The following KDM4C variants were observed in gnomAD, a reference collection of about 807,000 sequenced individuals.
The protein encoded by KDM4C is lysine demethylase 4C, also known as lysine-specific demethylase 4C.
In KDM4C, 81 loss-of-function variants were observed where a neutral mutation model predicts 129.3. That is an observed-to-expected ratio of 0.63 (90% CI 0.52 to 0.75). The LOEUF (loss-of-function observed/expected upper bound fraction) is 0.75. KDM4C is among the 30% of genes least tolerant of loss of function. The pLI is 0.00. For missense variants in KDM4C, 1,457 were observed against 1,304.0 expected (o/e 1.12, Z -1.81); for synonymous variants, 573 against 456.1 (o/e 1.26, Z -3.26).
At chr9:7,033,654 C>A (rs570780916) in intron 15 of KDM4C, among the ~76,000 whole-genome samples, 6 of 152,160 alleles carry the variant, frequency 3.9e-5, no homozygotes, top group Non-Finnish European at 7.3e-5. Flanking sequence ...CTCAATAACA[C>A]CCCCCACCTC....
chr9:6,764,977 A>G (rs894858945), intron 1 of KDM4C, among the ~76,000 whole-genome samples: 4 of 152,108 alleles, frequency 2.6e-5, no homozygotes, highest in African/African-American at 9.7e-5. Context: ...CAGCCCTCAC[A>G]TCCAAAGTAT....
chr9:6,943,435 G>A (rs942490306), intron 8 of KDM4C, among the ~76,000 whole-genome samples: 9 of 152,330 alleles, frequency 5.9e-5, no homozygotes, highest in African/African-American at 1.9e-4. Flanking sequence ...AGGGCCAGGT[G>A]TAGTGGCTCT....
chr9:6,915,657 TTTTC>T (rs1271390979), intron 8 of KDM4C, among the ~76,000 whole-genome samples: 1 of 152,208 alleles, frequency 6.6e-6, no homozygotes, highest in Admixed American at 6.5e-5. Flanking sequence ...CTGCTTTTGT[TTTTC>T]TTTCCTCGAA....
At chr9:6,804,613 C>G (rs1829628421) in intron 2 of KDM4C, among the ~76,000 whole-genome samples, 1 of 151,838 alleles carries the variant, frequency 6.6e-6, no homozygotes, top group Non-Finnish European at 1.5e-5. Context: ...CAAAAATTAG[C>G]TGGGCGTGGT....
intron 15 of KDM4C, among the ~76,000 whole-genome samples, chr9:7,019,428 C>G (rs1025060939): frequency 3.4e-5 from 5 of 145,062 alleles, no homozygotes; most frequent in Non-Finnish European, 7.5e-5. Flanking sequence ...TTCACTAACT[C>G]TCATTCCTAA....
chr9:6,834,000 C>A (rs533622843), intron 4 of KDM4C, among the ~76,000 whole-genome samples: 1 of 148,114 alleles, frequency 6.8e-6, no homozygotes, highest in African/African-American at 2.5e-5. Context: ...GTGTGTGGTG[C>A]CAGGACAGAA....
At chr9:6,888,165 G>T in intron 7 of KDM4C, 102 bp downstream of exon 7, 1 of 523,444 alleles carries the variant, frequency 1.9e-6, no homozygotes, top group Non-Finnish European at 3.3e-6. Context: ...TAGGATGTGG[G>T]TAGAGAAATT....
intron 17 of KDM4C, among the ~76,000 whole-genome samples, chr9:7,096,092 T>C (rs1350165216): frequency 6.6e-6 from 1 of 152,246 alleles, no homozygotes; most frequent in African/African-American, 2.4e-5. Flanking sequence ...CTGTATGTTA[T>C]AATTGTGTGC....
intron 5 of KDM4C, among the ~76,000 whole-genome samples, chr9:6,876,002 G>C (rs1843490808): frequency 6.6e-6 from 1 of 152,204 alleles, no homozygotes; most frequent in South Asian, 2.1e-4. Context: ...AGTAGAGAAA[G>C]AGAACATAGG....
At chr9:7,062,780 A>G (rs12377953) in intron 17 of KDM4C, among the ~76,000 whole-genome samples, 30,426 of 151,770 alleles carry the variant, frequency 0.2, 4,210 homozygotes, top group Middle Eastern at 0.35. Flanking sequence ...TTGTGTGTTT[A>G]GTTTTGCCTT....
At chr9:7,001,596 G>A (rs189101012) in intron 12 of KDM4C, among the ~76,000 whole-genome samples, 2 of 152,304 alleles carry the variant, frequency 1.3e-5, no homozygotes, top group East Asian at 3.9e-4. Context: ...CTTAGTTGGT[G>A]TGATGGCCAC....
intron 7 of KDM4C, among the ~76,000 whole-genome samples, chr9:6,890,369 C>T (rs185240189): frequency 3.7e-4 from 56 of 152,262 alleles, no homozygotes; most frequent in African/African-American, 1.2e-3. Context: ...TGCATAGTAA[C>T]GTACTCTTCC....
intron 4 of KDM4C, among the ~76,000 whole-genome samples, chr9:6,828,005 G>C (rs72701419): frequency 0.062 from 9,457 of 152,266 alleles, 442 homozygotes; most frequent in Non-Finnish European, 0.097. Flanking sequence ...TTTCAGAGGG[G>C]TGTTGCCAGA....
At chr9:6,831,686 G>C (rs957955884) in intron 4 of KDM4C, among the ~76,000 whole-genome samples, 8 of 152,100 alleles carry the variant, frequency 5.3e-5, no homozygotes, top group African/African-American at 1.9e-4. Context: ...AGATGCCTGA[G>C]CCTAATAATC....
At chr9:7,164,074 T>G (rs1422800399) in intron 19 of KDM4C, among the ~76,000 whole-genome samples, 1 of 152,206 alleles carries the variant, frequency 6.6e-6, no homozygotes, top group African/African-American at 2.4e-5. Flanking sequence ...TGTATGCCTC[T>G]CATTTAAACC....
At chr9:6,896,137 G>A (rs900500877) in intron 8 of KDM4C, among the ~76,000 whole-genome samples, 3 of 152,190 alleles carry the variant, frequency 2.0e-5, no homozygotes, top group Non-Finnish European at 4.4e-5. Context: ...CTGATGTGTA[G>A]TGAATTGCAC....
chr9:7,003,236 T>C (rs1468435849), intron 12 of KDM4C, among the ~76,000 whole-genome samples: 1 of 152,204 alleles, frequency 6.6e-6, no homozygotes, highest in Non-Finnish European at 1.5e-5. Flanking sequence ...TGGACACATA[T>C]AAATGTCTGA....
At chr9:6,856,419 T>C (rs186440618) in intron 5 of KDM4C, among the ~76,000 whole-genome samples, 1 of 152,288 alleles carries the variant, frequency 6.6e-6, no homozygotes, top group Admixed American at 6.5e-5. Context: ...TTTTAATTGC[T>C]TTTTCTAGAG....
At chr9:7,016,827 C>G (rs1489024855) in intron 15 of KDM4C, among the ~76,000 whole-genome samples, 1 of 152,110 alleles carries the variant, frequency 6.6e-6, no homozygotes, top group Non-Finnish European at 1.5e-5. Flanking sequence ...AATTTTTCTT[C>G]ATTTTCTTGT....
Sources: allele counts gnomAD v4.1 joint callset (sites outside exome capture counted in the v4.1 genomes callset), GRCh38; gene constraint gnomAD v4.1.1; transcripts MANE v1.5; gene names NCBI Gene and HGNC (gene_info 2026-07-23, HGNC 2026-07-21).